ZDHHC13: variants seen among roughly 807,000 people sequenced by gnomAD.
The protein encoded by ZDHHC13 is palmitoyltransferase ZDHHC13.
ZDHHC13 carries 85 observed loss-of-function variants against 86.0 expected under a neutral mutation model. The ratio of observed to expected loss-of-function variants is 0.99; its 90% CI spans 0.83 to 1.18. ZDHHC13 has a LOEUF of 1.18. Ranked by LOEUF, ZDHHC13 falls within the 50% of genes most tolerant of loss-of-function variation. The probability of loss-of-function intolerance (pLI) is 0.00; values close to 1 mark genes in which losing one functional copy is unlikely to be tolerated. For missense variants in ZDHHC13, 711 were observed against 730.2 expected, an observed-to-expected ratio of 0.97 and a Z score of 0.30; for synonymous variants, 263 against 246.4, an observed-to-expected ratio of 1.07 and a Z score of -0.63.
rs1374014041 is a variant in ZDHHC13 at position 19,151,888 on chromosome 11, T to C, written c.585-270T>C. Among the ~76,000 whole-genome samples the C allele has an allele frequency of 2.0e-5, 3 of 152,050 alleles. No homozygotes were observed. In the East Asian group the frequency reaches 5.8e-4, roughly 29 times the overall value. ...AGTGTTAGCCAATAGAACAACAATATGAAAGGAAAAGTTTGAAAAACAAAA... is the reference window on the plus strand; with the variant it reads ...AGTGTTAGCCAATAGAACAACAATACGAAAGGAAAAGTTTGAAAAACAAAA... On this transcript the variant is annotated intron_variant, in intron 6 of 16. Transcript: ENST00000446113.
At position 19,143,093 on chromosome 11, in the gene ZDHHC13, C is replaced by G; in HGVS notation, c.143C>G (p.Ser48Cys). ...GAAGCTCTTCCTCTTATAGAGGACTCTAGTAACTGTGACATTGTCAAAGCT... is the reference window on the plus strand; with the variant it reads ...GAAGCTCTTCCTCTTATAGAGGACTGTAGTAACTGTGACATTGTCAAAGCT... ...AREALPLIEDSSNCDIVKATQ... is the reference protein window; with the variant it reads ...AREALPLIEDCSNCDIVKATQ... The change falls in exon 2 of 17, where the codon TCT (serine) becomes TGT (cysteine). Residue 48 changes from serine (S) to cysteine (C), a missense_variant. By Grantham distance (112) the Ser-to-Cys change is moderately radical. Coordinates refer to ENST00000446113, the MANE Select transcript of ZDHHC13 (RefSeq NM_019028.3). 1.2e-6 allele frequency: 2 copies of G among 1,613,100 alleles called. No homozygotes were observed. Among genetic ancestry groups the G allele is most frequent in the South Asian group, 2.2e-5 (2 of 90,984 alleles).
At chr11:19,124,034 G>A (rs1490708472) in intron 1 of ZDHHC13, among the ~76,000 whole-genome samples, 6 of 152,078 alleles carry the variant, frequency 3.9e-5, no homozygotes, top group Non-Finnish European at 5.9e-5. Flanking sequence ...GTCCTACTTT[G>A]AGGAATCAAT....
chr11:19,122,832 G>T (rs113496281), intron 1 of ZDHHC13, among the ~76,000 whole-genome samples: 147 of 152,262 alleles, frequency 9.7e-4, no homozygotes, highest in African/African-American at 3.4e-3. Context: ...ATTACCTAGT[G>T]GGTCACTGCA....
Position 19,155,854 on chromosome 11 carries a change from A to G in ZDHHC13, c.932A>G (p.Asp311Gly). Residue 311 changes from aspartate to glycine, a missense_variant, in exon 9 of 17, where the codon GAC becomes GGC. By Grantham distance (94) the Asp-to-Gly change is moderately conservative (BLOSUM62 -1). Transcript: ENST00000446113. ...ITMWAIGYIL[D>G]FNSDSWLLKG... ...ATGTGGGCTATTGGATACATATTGG[A>G]CTTCAATTCAGATTCTTGGCTTTTA... 1 of 1,612,924 alleles carries G rather than the reference A, an allele frequency of 6.2e-7. No homozygotes were observed. The highest frequency in any genetic ancestry group is 8.5e-7 in the Non-Finnish European group (1 of 1,179,692).
chr11:19,152,400 A>G lies in ZDHHC13; in HGVS notation c.747+80A>G. Reference sequence around the variant, plus strand: ...ATAAATTAACGTAAAGATAAGCTATATAATTGTTTTCAGTTACCCCAAGAT... The same window carrying G: ...ATAAATTAACGTAAAGATAAGCTATGTAATTGTTTTCAGTTACCCCAAGAT... On this transcript the variant is annotated intron_variant, in intron 7 of 16. Coordinates refer to ENST00000446113, the MANE Select transcript of ZDHHC13 (RefSeq NM_019028.3). The G allele has an allele frequency of 6.6e-6, 10 of 1,514,346 alleles. No homozygotes were observed. In the Middle Eastern group the frequency reaches 5.3e-4, roughly 80 times the overall value. The allele number at this position is 1,514,346 out of a possible 1,614,324, so 93.8% of individuals were successfully genotyped here.
rs942260885 is a variant in ZDHHC13 at position 19,169,189 on chromosome 11, G to A, written c.1475-1222G>A. 5.1e-6 allele frequency: 5 copies of A among 985,190 alleles called. No homozygotes were observed. In the African/African-American group the frequency reaches 8.7e-5, roughly 17 times the overall value. 61.0% of individuals were successfully genotyped at this position (985,190 alleles called of 1,614,324 possible). ...GAAATCCATAAACTGAAAGAAAATA[G>A]ATATTCTTTCCCAATCAACAGCTGT... On this transcript the variant is annotated intron_variant, in intron 14 of 16. Coordinates refer to ENST00000446113, the MANE Select transcript of ZDHHC13 (RefSeq NM_019028.3).
chr11:19,166,033 G>C (rs897557218), intron 13 of ZDHHC13, among the ~76,000 whole-genome samples: 1 of 152,330 alleles, frequency 6.6e-6, no homozygotes, highest in South Asian at 2.1e-4. Flanking sequence ...GCCTAGAGCA[G>C]TGTTTGCTTA....
chr11:19,166,252 A>G, intron 13 of ZDHHC13, 50 bp from the exon 14 acceptor site: 1 of 1,482,204 alleles, frequency 6.7e-7, no homozygotes, highest in Non-Finnish European at 9.2e-7. Context: ...TTATGTTGAA[A>G]ATCAGAAGAA....
chr11:19,163,249 A>G (rs1849959946), intron 10 of ZDHHC13, 54 bp from the exon 11 acceptor site: 6 of 1,532,624 alleles, frequency 3.9e-6, no homozygotes, highest in Non-Finnish European at 3.5e-6. Context: ...TGCTTACATC[A>G]TAATTACATT....
At chr11:19,157,151 C>T (rs552988120) in intron 9 of ZDHHC13, among the ~76,000 whole-genome samples, 3 of 152,304 alleles carry the variant, frequency 2.0e-5, no homozygotes, top group South Asian at 4.1e-4. Context: ...TTAGTGAGGC[C>T]GTTCCTGACT....
chr11:19,130,001 G>A (rs1848958226), intron 1 of ZDHHC13, among the ~76,000 whole-genome samples: 1 of 152,028 alleles, frequency 6.6e-6, no homozygotes, highest in East Asian at 1.9e-4. Context: ...GGCAGGAGAA[G>A]GGTGTGAACC....
At chr11:19,136,093 G>C (rs1245012449) in intron 1 of ZDHHC13, among the ~76,000 whole-genome samples, 1 of 151,390 alleles carries the variant, frequency 6.6e-6, no homozygotes, top group African/African-American at 2.4e-5. Flanking sequence ...GACGAGCTGA[G>C]AGAAGAAGGC....
At chr11:19,131,570 CTCT>C (rs1205516631) in intron 1 of ZDHHC13, among the ~76,000 whole-genome samples, 1 of 151,930 alleles carries the variant, frequency 6.6e-6, no homozygotes. Context: ...TTTAAATGGT[CTCT>C]TCTTCTATAC....
chr11:19,166,271 A>G (rs757717409), intron 13 of ZDHHC13, 31 bp from the exon 14 acceptor site: 63 of 1,566,804 alleles, frequency 4.0e-5, no homozygotes, highest in Non-Finnish European at 5.0e-5. Context: ...AAACGAAAAT[A>G]TTAAGTATGT....
At chr11:19,157,217 C>T (rs11025037) in intron 9 of ZDHHC13, among the ~76,000 whole-genome samples, 100,968 of 152,146 alleles carry the variant, frequency 0.66, 34,126 homozygotes, top group Admixed American at 0.76. Flanking sequence ...TTTCCTGCAA[C>T]GTAAAGCCCA....
At chr11:19,144,201 A>G (rs1224791938) in intron 2 of ZDHHC13, among the ~76,000 whole-genome samples, 2 of 152,204 alleles carry the variant, frequency 1.3e-5, no homozygotes, top group South Asian at 2.1e-4. Flanking sequence ...AAAGATGAGC[A>G]TATTCTTAAG....
rs1243608092 is a variant in ZDHHC13 at position 19,138,199 on chromosome 11, A to G, written c.28-4779A>G. On this transcript the variant is annotated intron_variant, in intron 1 of 16. Coordinates refer to ENST00000446113, the MANE Select transcript of ZDHHC13 (RefSeq NM_019028.3). Reference sequence around the variant, plus strand: ...ATAAAGAAAAAAAGAGAGAAGAATCAAATAGATGCAATAAAAAATGATAAA... The same window carrying G: ...ATAAAGAAAAAAAGAGAGAAGAATCGAATAGATGCAATAAAAAATGATAAA... Among the ~76,000 whole-genome samples the G allele has an allele frequency of 2.0e-5, 3 of 150,944 alleles. No homozygotes were observed. In the South Asian group the frequency reaches 6.2e-4, roughly 31 times the overall value.
Position 19,169,255 on chromosome 11 carries a change from T to C in ZDHHC13, c.1475-1156T>C, listed in dbSNP as rs188778488. ...TTGGAAATTATATTCTTTTTTGTGATATCAGGTGCATGGGATGCATCTTTC... is the reference window on the plus strand; with the variant it reads ...TTGGAAATTATATTCTTTTTTGTGACATCAGGTGCATGGGATGCATCTTTC... On this transcript the variant is annotated intron_variant, in intron 14 of 16. Coordinates refer to ENST00000446113, the MANE Select transcript of ZDHHC13 (RefSeq NM_019028.3). The C allele has an allele frequency of 4.6e-5, 45 of 985,456 alleles. 1 individual carries two copies. The East Asian group carries it at 2.5e-3, about 55-fold the overall frequency. The allele number at this position is 985,456 out of a possible 1,614,324, so 61.0% of individuals were successfully genotyped here.
At chr11:19,129,887 T>C (rs1848953533) in intron 1 of ZDHHC13, among the ~76,000 whole-genome samples, 1 of 152,052 alleles carries the variant, frequency 6.6e-6, no homozygotes, top group Admixed American at 6.5e-5. Context: ...GGTCAGGAGA[T>C]CGAGACCATC....
Sources: gnomAD v4.1 joint callset for allele counts (sites outside exome capture counted in the v4.1 genomes callset) on GRCh38, gnomAD v4.1.1 for gene constraint, MANE v1.5 for transcripts, NCBI Gene and HGNC (gene_info 2026-07-23, HGNC 2026-07-21) for gene names.